The following TRAIP variants were observed in gnomAD, a reference collection of about 807,000 sequenced individuals.
TRAIP encodes the protein E3 ubiquitin-protein ligase TRAIP.
Under a neutral mutation model 65.0 loss-of-function variants are expected in TRAIP, and 37 were observed. That is an observed-to-expected ratio of 0.57 (90% CI 0.44 to 0.75). TRAIP has a LOEUF of 0.75. Among genes scored for constraint, TRAIP ranks in the 30% least tolerant of loss-of-function variants. The probability of loss-of-function intolerance (pLI) is 0.00; values close to 1 mark genes in which losing one functional copy is unlikely to be tolerated. For synonymous variants in TRAIP, 187 were observed against 219.1 expected (o/e 0.85, Z 1.29); for missense variants, 481 against 579.4 (o/e 0.83, Z 1.74).
intron 10 of TRAIP, among the ~76,000 whole-genome samples, chr3:49,832,831 G>T (rs909591520): frequency 6.6e-6 from 1 of 151,394 alleles, no homozygotes; most frequent in Non-Finnish European, 1.5e-5. Flanking sequence ...GAACCCTGGG[G>T]AATGGCAAGG....
intron 10 of TRAIP, among the ~76,000 whole-genome samples, chr3:49,835,274 T>A (rs573170802): frequency 6.6e-6 from 1 of 152,134 alleles, no homozygotes; most frequent in Non-Finnish European, 1.5e-5. Flanking sequence ...ACATGCTACA[T>A]GGATAAACCT....
chr3:49,829,383 C>A, intron 14 of TRAIP, 75 bp downstream of exon 14: 1 of 1,612,524 alleles, frequency 6.2e-7, no homozygotes, highest in Non-Finnish European at 8.5e-7. Flanking sequence ...TTGGCACTGG[C>A]AGGCTGGGGG....
chr3:49,832,700 C>CGGGGGGGGGGGGG (rs77955232), intron 10 of TRAIP, among the ~76,000 whole-genome samples: 2 of 6,090 alleles, frequency 3.3e-4, no homozygotes, highest in Non-Finnish European at 5.8e-4. Context: ...TTTTATAACA[C>CGGGGGGGGGGGGG]GGGGGGGGGG....
chr3:49,851,262 A>G (rs2108321814), intron 1 of TRAIP, among the ~76,000 whole-genome samples: 1 of 151,978 alleles, frequency 6.6e-6, no homozygotes, highest in Non-Finnish European at 1.5e-5. Context: ...GCGTGAATCA[A>G]CACGCCCAGC....
chr3:49,833,580 A>C lies in TRAIP; in HGVS notation c.885-1512T>G, dbSNP rs1051992142. Among the ~76,000 whole-genome samples, 9 of 151,974 alleles carry C rather than the reference A, an allele frequency of 5.9e-5. No homozygotes were observed. The East Asian group carries it at 1.5e-3, about 26-fold the overall frequency. ...CTGCAAGCTCCGCCTTCCGGGTTCA[A>C]GCCATTCTCCTGCCTCAGCCTCCTG... is the stretch of plus-strand genomic sequence containing the variant. On this transcript the variant is annotated intron_variant, in intron 10 of 14. Transcript: ENST00000331456.
At chr3:49,839,979 G>A in intron 9 of TRAIP, 119 bp from the exon 10 acceptor site, 2 of 1,023,672 alleles carry the variant, frequency 2.0e-6, no homozygotes, top group Non-Finnish European at 3.0e-6. Flanking sequence ...AGCAAGGCCT[G>A]ATACCTCATC....
Position 49,842,457 on chromosome 3 carries a change from C to T in TRAIP, c.499G>A (p.Glu167Lys), listed in dbSNP as rs773886213. Residue 167 changes from glutamate (E) to lysine (K), a missense_variant, in exon 6 of 15, where the codon GAG (glutamate) becomes AAG (lysine). Glu to Lys is a moderately conservative substitution (Grantham distance 56, BLOSUM62 1). Coordinates refer to ENST00000331456, the MANE Select transcript of TRAIP (RefSeq NM_005879.3). The part of the protein sequence containing the change: ...RRLRSKMKTM[E>K]QIELLLQSQR... Reference sequence around the variant, plus strand: ...AGGACCCAGCTCCAAACTCACTGCTCCATGGTCTTCATCTTGCTCCTGAGC... The same window carrying T: ...AGGACCCAGCTCCAAACTCACTGCTTCATGGTCTTCATCTTGCTCCTGAGC... 6 of 1,613,940 alleles carry T rather than the reference C, an allele frequency of 3.7e-6. No individual in the cohort carries two copies. The highest frequency in any genetic ancestry group is 1.7e-5 in the Admixed American group (1 of 60,002).
At chr3:49,836,608 A>C (rs2081789759) in intron 10 of TRAIP, among the ~76,000 whole-genome samples, 1 of 152,212 alleles carries the variant, frequency 6.6e-6, no homozygotes, top group African/African-American at 2.4e-5. Context: ...AGGCAGGAGG[A>C]TCGCTTGAGG....
intron 11 of TRAIP, among the ~76,000 whole-genome samples, chr3:49,831,338 T>A (rs1180516309): frequency 6.6e-6 from 1 of 152,260 alleles, no homozygotes; most frequent in Non-Finnish European, 1.5e-5. Context: ...ATGAGTATAG[T>A]CCTTGTCTCC....
chr3:49,832,757 G>C, intron 10 of TRAIP, among the ~76,000 whole-genome samples: 1 of 134,564 alleles, frequency 7.4e-6, no homozygotes, highest in Non-Finnish European at 1.5e-5. Flanking sequence ...TAAAACTACA[G>C]CCGACAGGAT....
chr3:49,855,905 G>A (rs938483573), intron 1 of TRAIP, among the ~76,000 whole-genome samples: 2 of 152,180 alleles, frequency 1.3e-5, no homozygotes, highest in African/African-American at 4.8e-5. Flanking sequence ...CTGACATGGC[G>A]AATACATTGG....
intron 10 of TRAIP, among the ~76,000 whole-genome samples, chr3:49,834,203 TG>T (rs1229881034): frequency 6.6e-6 from 1 of 152,156 alleles, no homozygotes; most frequent in African/African-American, 2.4e-5. Context: ...CAGGGGCCCT[TG>T]GGGCCCATGA....
At chr3:49,845,613 C>T (rs184739107) in intron 3 of TRAIP, among the ~76,000 whole-genome samples, 4 of 152,282 alleles carry the variant, frequency 2.6e-5, no homozygotes, top group South Asian at 2.1e-4. Flanking sequence ...AGGAAGAGCA[C>T]GCAAGGGCTG....
Position 49,829,208 on chromosome 3 carries a change from G to T in TRAIP, c.1305C>A (p.Ile435=). 6.2e-7 allele frequency: 1 copy of T among 1,614,238 alleles called. No homozygotes were observed. Among genetic ancestry groups the T allele is most frequent in the Non-Finnish European group, 8.5e-7 (1 of 1,180,052 alleles). Residue 435 remains isoleucine (I), a synonymous_variant, in exon 15 of 15, where the codon ATC becomes ATA. Coordinates refer to ENST00000331456, the MANE Select transcript of TRAIP (RefSeq NM_005879.3). The part of the protein sequence containing the change: ...KFIQPTDTVM[I]RPLPVKPKTK... Reference sequence around the variant, plus strand: ...TCTTGGGCTTAACAGGCAATGGGCGGATCATGACTGTGTCAGTCTGGAGGA... The same window carrying T: ...TCTTGGGCTTAACAGGCAATGGGCGTATCATGACTGTGTCAGTCTGGAGGA...
At chr3:49,853,953 T>TAAACTCCA (rs2081953181) in intron 1 of TRAIP, among the ~76,000 whole-genome samples, 1 of 149,104 alleles carries the variant, frequency 6.7e-6, no homozygotes, top group African/African-American at 2.5e-5. Flanking sequence ...GAAACAATTA[T>TAAACTCCA]AAACTCCAGC....
chr3:49,840,849 A>C, intron 8 of TRAIP, 136 bp downstream of exon 8: 1 of 805,130 alleles, frequency 1.2e-6, no homozygotes, highest in Non-Finnish European at 2.1e-6. Flanking sequence ...GACTGGTAAC[A>C]AATTTCTGTA....
At chr3:49,856,229 C>G (rs1486432156) in intron 1 of TRAIP, 127 bp downstream of exon 1, 2 of 790,316 alleles carry the variant, frequency 2.5e-6, no homozygotes, top group Admixed American at 5.4e-5. Context: ...CCCGTGGGGC[C>G]TCGTCTAGGA....
intron 8 of TRAIP, 128 bp downstream of exon 8, chr3:49,840,857 G>A: frequency 1.2e-6 from 1 of 846,642 alleles, no homozygotes; most frequent in Non-Finnish European, 2.0e-6. Flanking sequence ...ACAAATTTCT[G>A]TAAGTCCTCC....
intron 1 of TRAIP, among the ~76,000 whole-genome samples, chr3:49,849,020 T>C (rs1166062719): frequency 6.6e-6 from 1 of 151,944 alleles, no homozygotes; most frequent in African/African-American, 2.4e-5. Flanking sequence ...CTAATTTTTG[T>C]TTTTAGTAGA....
Sources: allele counts gnomAD v4.1 joint callset (sites outside exome capture counted in the v4.1 genomes callset), GRCh38; gene constraint gnomAD v4.1.1; transcripts MANE v1.5; gene names NCBI Gene and HGNC (gene_info 2026-07-23, HGNC 2026-07-21).